PITPNM3: variants seen among roughly 807,000 people sequenced by gnomAD.
The protein encoded by PITPNM3 is membrane-associated phosphatidylinositol transfer protein 3.
Under a neutral mutation model 102.0 loss-of-function variants are expected in PITPNM3, and 26 were observed. That is an observed-to-expected ratio of 0.25 (90% confidence interval 0.19 to 0.35). The LOEUF is 0.35. Among genes scored for constraint, PITPNM3 ranks in the 10% least tolerant of loss-of-function variants. The probability of loss-of-function intolerance (pLI) is 1.00; values close to 1 mark genes in which losing one functional copy is unlikely to be tolerated. For synonymous variants in PITPNM3, 578 were observed against 558.6 expected (o/e 1.03, Z -0.49); for missense variants, 1,083 against 1,346.1 (o/e 0.80, Z 3.06).
At chr17:6,463,248 G>A (rs896443346) in intron 17 of PITPNM3, among the ~76,000 whole-genome samples, 3 of 152,216 alleles carry the variant, frequency 2.0e-5, no homozygotes, top group Admixed American at 6.5e-5. Context: ...TCCTACTCTC[G>A]AGGTTCTGAT....
At position 6,472,250 on chromosome 17, in the gene PITPNM3, T is replaced by A. The variant is rs1387568933; in HGVS notation, c.1429+407A>T. 6.6e-6 allele frequency among the ~76,000 whole-genome samples: 1 copy of A among 151,894 alleles called. No homozygotes were observed. Among genetic ancestry groups the A allele is most frequent in the Non-Finnish European group, 1.5e-5 (1 of 67,978 alleles). On this transcript the variant is annotated intron_variant, in intron 11 of 19. Coordinates refer to ENST00000262483, the MANE Select transcript of PITPNM3 (RefSeq NM_031220.4). This position sits in a 1 kb window ranked among gnomAD's most constrained non-coding sequence, Gnocchi z 4.1. Reference sequence around the variant, plus strand: ...TCTTCTCCACCTGCCCAAATGCACCTCCCCTCTCTGGACCCTAATCAAAGG... The same window carrying A: ...TCTTCTCCACCTGCCCAAATGCACCACCCCTCTCTGGACCCTAATCAAAGG...
At chr17:6,534,398 A>G (rs1348954245) in intron 2 of PITPNM3, among the ~76,000 whole-genome samples, 1 of 152,164 alleles carries the variant, frequency 6.6e-6, no homozygotes, top group Non-Finnish European at 1.5e-5. Flanking sequence ...AGACCCCCAG[A>G]ACCCAGAACT....
At chr17:6,522,294 A>G (rs986198981) in intron 3 of PITPNM3, among the ~76,000 whole-genome samples, 9 of 152,072 alleles carry the variant, frequency 5.9e-5, no homozygotes, top group African/African-American at 9.6e-5. Context: ...GCGCACACAC[A>G]CACACACACA....
rs551913102 is a variant in PITPNM3 at position 6,545,112 on chromosome 17, G to A, written c.23-7030C>T. ...CCCCAGTTCTGCCACTTACCAATTC[G>A]TGATCTTACTAAATGACAGGAAACC... is the stretch of plus-strand genomic sequence containing the variant. On this transcript the variant is annotated intron_variant, in intron 1 of 19. Coordinates refer to ENST00000262483, the MANE Select transcript of PITPNM3 (RefSeq NM_031220.4). Among the ~76,000 whole-genome samples the A allele has an allele frequency of 1.7e-4, 26 of 152,158 alleles. No homozygotes were observed. In the South Asian group the frequency reaches 4.4e-3, roughly 26 times the overall value.
Position 6,463,861 on chromosome 17 carries a change from A to G in PITPNM3, c.2177T>C (p.Met726Thr), listed in dbSNP as rs761710050. Residue 726 changes from methionine (M) to threonine (T), a missense_variant, in exon 17 of 20, where the codon ATG (methionine) becomes ACG (threonine). By Grantham distance (81) the Met-to-Thr change is moderately conservative (BLOSUM62 -1). Coordinates refer to ENST00000262483, the MANE Select transcript of PITPNM3 (RefSeq NM_031220.4). ...CCTGGGCAACACCGTGAGGTAGCTCATGGCACAGGTCTGGTCGCCCCTGAA... is the reference window on the plus strand; with the variant it reads ...CCTGGGCAACACCGTGAGGTAGCTCGTGGCACAGGTCTGGTCGCCCCTGAA... ...MVVRGDQTCA[M>T]SYLTVLPRGM... The G allele has an allele frequency of 1.1e-5, 18 of 1,609,750 alleles. No individual in the cohort carries two copies. The South Asian group carries it at 1.9e-4, about 17-fold the overall frequency.
chr17:6,456,630 T>G (rs1379758945), intron 19 of PITPNM3, among the ~76,000 whole-genome samples: 1 of 152,148 alleles, frequency 6.6e-6, no homozygotes, highest in Non-Finnish European at 1.5e-5. Context: ...CTTCAGAGTT[T>G]GAGAAGCAGG....
Position 6,455,218 on chromosome 17 carries a change from G to C in PITPNM3, c.*120C>G, listed in dbSNP as rs1914032687. The C allele has an allele frequency of 3.8e-6, 5 of 1,305,270 alleles. No individual in the cohort carries two copies. The highest frequency in any genetic ancestry group is 5.1e-6 in the Non-Finnish European group (5 of 974,580). The allele number at this position is 1,305,270 out of a possible 1,614,324, so 80.9% of individuals were successfully genotyped here. ...TCCCCGCTCTGGTCGGACACTGCTG[G>C]ACAGACACGGGAGGGAAAAAGCAGG... is the stretch of plus-strand genomic sequence containing the variant. On this transcript the variant is annotated 3_prime_UTR_variant, in exon 20 of 20. Coordinates refer to ENST00000262483, the MANE Select transcript of PITPNM3 (RefSeq NM_031220.4).
rs1006922177 is a variant in PITPNM3 at position 6,452,215 on chromosome 17, A to G, written c.*3123T>C. ...AGGAGTCTGCTTTTTTAAAAAAGAA[A>G]TATTTTATGGAGCCCAAGGGAGCCG... On this transcript the variant is annotated 3_prime_UTR_variant, in exon 20 of 20. Coordinates refer to ENST00000262483, the MANE Select transcript of PITPNM3 (RefSeq NM_031220.4). 5.9e-5 allele frequency: 9 copies of G among 152,176 alleles called. No individual in the cohort carries two copies. Among genetic ancestry groups the G allele is most frequent in the African/African-American group, 2.2e-4 (9 of 41,444 alleles). The allele number at this position is 152,176 out of a possible 1,614,324, so 9.4% of individuals were successfully genotyped here. A position where few individuals can be genotyped will look rare whatever the true frequency, so the allele number is the denominator to read the frequency against.
At chr17:6,483,835 G>T in intron 5 of PITPNM3, 83 bp from the exon 6 acceptor site, 1 of 1,161,066 alleles carries the variant, frequency 8.6e-7, no homozygotes, top group Non-Finnish European at 1.3e-6. Context: ...ACACATGTGC[G>T]CATACACACA....
At position 6,471,334 on chromosome 17, in the gene PITPNM3, C is replaced by A. The variant is rs1322475640; in HGVS notation, c.1451G>T (p.Ser484Ile). 6.2e-7 allele frequency: 1 copy of A among 1,604,194 alleles called. No individual in the cohort carries two copies. The highest frequency in any genetic ancestry group is 1.1e-5 in the South Asian group (1 of 90,284). Residue 484 changes from serine to isoleucine, a missense_variant, in exon 12 of 20, where the codon AGC becomes ATC. Coordinates refer to ENST00000262483, the MANE Select transcript of PITPNM3 (RefSeq NM_031220.4). Reference protein sequence around the residue: ...LLLADALHTHSPLFLEGSSRD... With the variant: ...LLLADALHTHIPLFLEGSSRD... ...GGAGCTGCCCTCCAGGAAGAGGGGG[C>A]TGTGGGTGTGTAGGGCATCAGCTGG...
intron 19 of PITPNM3, among the ~76,000 whole-genome samples, chr17:6,456,114 C>T (rs1254873799): frequency 2.0e-5 from 3 of 152,088 alleles, no homozygotes; most frequent in Non-Finnish European, 4.4e-5. Context: ...GTCTCAACTT[C>T]GCCAGCTCAA....
intron 4 of PITPNM3, among the ~76,000 whole-genome samples, chr17:6,501,138 A>C (rs538833437): frequency 6.6e-6 from 1 of 152,314 alleles, no homozygotes; most frequent in East Asian, 1.9e-4. Context: ...GGCATCCCGG[A>C]GACAAGCCCC....
Position 6,552,247 on chromosome 17 carries a change from C to G in PITPNM3, c.22+4138G>C, listed in dbSNP as rs546494520. Among the ~76,000 whole-genome samples the G allele has an allele frequency of 3.9e-5, 6 of 152,304 alleles. No individual in the cohort carries two copies. The South Asian group carries it at 8.3e-4, about 21-fold the overall frequency. On this transcript the variant is annotated intron_variant, in intron 1 of 19. Coordinates refer to ENST00000262483, the MANE Select transcript of PITPNM3 (RefSeq NM_031220.4). ...GTCTCTGCAGATATTCCTGCCCCAGCCTGAGAGGTGCCAAGACCCTCTAGG... is the reference window on the plus strand; with the variant it reads ...GTCTCTGCAGATATTCCTGCCCCAGGCTGAGAGGTGCCAAGACCCTCTAGG...
At position 6,470,133 on chromosome 17, in the gene PITPNM3, C is replaced by T. The variant is rs1904991770; in HGVS notation, c.1773+127G>A. On this transcript the variant is annotated intron_variant, in intron 13 of 19. Coordinates refer to ENST00000262483, the MANE Select transcript of PITPNM3 (RefSeq NM_031220.4). This position sits in a 1 kb window ranked among gnomAD's most constrained non-coding sequence, Gnocchi z 4.8. ...CTCACGTAGGTGCTCCAATGCCTTC[C>T]TCATGCTCTTAGGATCAAGGCCAAA... The T allele has an allele frequency of 1.8e-6, 2 of 1,132,932 alleles. No individual in the cohort carries two copies. Among genetic ancestry groups the T allele is most frequent in the Non-Finnish European group, 2.6e-6 (2 of 782,812 alleles). The allele number at this position is 1,132,932 out of a possible 1,614,324, so 70.2% of individuals were successfully genotyped here.
intron 6 of PITPNM3, chr17:6,481,740 A>ATAGG (rs1905683410): frequency 7.7e-6 from 1 of 130,282 alleles, no homozygotes; most frequent in Admixed American, 8.1e-5. Context: ...AGATCAGATG[A>ATAGG]TAGATAGATA....
rs1905133219 is a variant in PITPNM3 at position 6,472,945 on chromosome 17, G to C, written c.1259-118C>G. 8.2e-7 allele frequency: 1 copy of C among 1,214,342 alleles called. No individual in the cohort carries two copies. The highest frequency in any genetic ancestry group is 2.5e-5 in the East Asian group (1 of 39,434). 75.2% of individuals were successfully genotyped at this position (1,214,342 alleles called of 1,614,324 possible). Reference sequence around the variant, plus strand: ...ACTCCCCTCTCAAGAGCCTCCCCGGGCTCCCTGCTCCCCACGGGAACAAAG... The same window carrying C: ...ACTCCCCTCTCAAGAGCCTCCCCGGCCTCCCTGCTCCCCACGGGAACAAAG... On this transcript the variant is annotated intron_variant, in intron 10 of 19. Transcript: ENST00000262483. The surrounding 1 kb of genome is among the most constrained non-coding windows in gnomAD (Gnocchi z 4.1).
chr17:6,541,284 A>AAAGTGTGTGT (rs1275042099), intron 1 of PITPNM3, among the ~76,000 whole-genome samples: 2 of 52,386 alleles, frequency 3.8e-5, no homozygotes, highest in African/African-American at 1.7e-4. Context: ...AGATATGCTA[A>AAAGTGTGTGT]GAGTGTGTGT....
chr17:6,483,609 T>C lies in PITPNM3; in HGVS notation c.495A>G (p.Thr165=). The part of the protein sequence containing the change: ...HTFSSVLEKV[T]RAHFPAALGH... ...CCAGGGCAGCAGGGAAATGGGCTCG[T>C]GTGACCTTCTCCAGCACGGAGCTGA... is the stretch of plus-strand genomic sequence containing the variant. The change falls in exon 6 of 20, where the codon ACA becomes ACG. Residue 165 remains threonine, a synonymous_variant. Coordinates refer to ENST00000262483, the MANE Select transcript of PITPNM3 (RefSeq NM_031220.4). 6.2e-7 allele frequency: 1 copy of C among 1,614,038 alleles called. No homozygotes were observed. The highest frequency in any genetic ancestry group is 1.7e-5 in the Admixed American group (1 of 60,014).
intron 3 of PITPNM3, among the ~76,000 whole-genome samples, chr17:6,519,921 C>T (rs1190010005): frequency 4.6e-5 from 7 of 151,938 alleles, no homozygotes; most frequent in Non-Finnish European, 7.4e-5. Context: ...ACTATTAGAA[C>T]CAACAGGAAA....
Sources: allele counts gnomAD v4.1 joint callset (sites outside exome capture counted in the v4.1 genomes callset), GRCh38; gene constraint gnomAD v4.1.1; non-coding constraint Gnocchi (gnomAD v3.1); transcripts MANE v1.5; gene names NCBI Gene and HGNC (gene_info 2026-07-23, HGNC 2026-07-21).